The following ABCA7 variants were observed in gnomAD, a reference collection of about 807,000 sequenced individuals.
ABCA7 encodes the protein phospholipid-transporting ATPase ABCA7.
A neutral mutation model predicts 227.6 loss-of-function variants in ABCA7; 261 were observed. That is an observed-to-expected ratio of 1.15 (90% CI 1.04 to 1.27). The LOEUF is 1.27. ABCA7 is among the 50% of genes most tolerant of loss of function. The pLI is 0.00. For synonymous variants in ABCA7, 1,488 were observed against 1,279.7 expected (o/e 1.16, Z -3.47); for missense variants, 3,331 against 2,924.5 (o/e 1.14, Z -3.21).
At position 1,047,593 on chromosome 19, in the gene ABCA7, TCTG is replaced by T; in HGVS notation, c.2215_2217del (p.Leu739del). Reference sequence around the variant, plus strand: ...TCAGCCTGGCCCAGGTCTCTGGCCTTCTGCTGCTGGACGCGGCGCTCTACGGCC... The same window carrying T: ...TCAGCCTGGCCCAGGTCTCTGGCCTTCTGCTGGACGCGGCGCTCTACGGCC... On this transcript the variant is annotated inframe_deletion, in exon 16 of 47. Transcript: ENST00000263094. 2.5e-6 allele frequency: 4 copies of T among 1,603,624 alleles called. No homozygotes were observed. The highest frequency in any genetic ancestry group is 2.5e-6 in the Non-Finnish European group (3 of 1,179,336).
chr19:1,044,954 G>A, intron 11 of ABCA7, 48 bp from the exon 12 acceptor site: 2 of 1,597,708 alleles, frequency 1.3e-6, no homozygotes, highest in East Asian at 2.2e-5. Context: ...GAGTGGTCTA[G>A]GAGGCAGGCG....
At position 1,046,675 on chromosome 19, in the gene ABCA7, C is replaced by G; in HGVS notation, c.1623-127C>G. 3.4e-6 allele frequency: 4 copies of G among 1,182,502 alleles called. No homozygotes were observed. The South Asian group carries it at 4.4e-5, about 13-fold the overall frequency. The allele number at this position is 1,182,502 out of a possible 1,614,324, so 73.3% of individuals were successfully genotyped here. On this transcript the variant is annotated intron_variant, in intron 13 of 46. Transcript: ENST00000263094. ...AGCCAAAGGCTGGCTGGATCAGGTT[C>G]CAAGGAACAGGGAGGCAAATCTTCC...
chr19:1,062,231 C>A lies in ABCA7; in HGVS notation c.5630C>A (p.Ala1877Asp). The part of the protein sequence containing the change: ...LSMGYCPQSD[A>D]IFELLTGREH... The stretch of plus-strand genomic sequence containing the variant: ...ATGGGATACTGCCCTCAATCCGATG[C>A]CATCTTTGAGCTGCTGACGGGCCGC... Residue 1877 changes from alanine to aspartate, a missense_variant, in exon 42 of 47, where the codon GCC (alanine) becomes GAC (aspartate). Ala to Asp is a moderately radical substitution (Grantham distance 126, BLOSUM62 -2). Transcript: ENST00000263094. 2.5e-6 allele frequency: 4 copies of A among 1,612,372 alleles called. No homozygotes were observed. Among genetic ancestry groups the A allele is most frequent in the Non-Finnish European group, 3.4e-6 (4 of 1,179,816 alleles).
chr19:1,042,725 C>T lies in ABCA7; in HGVS notation c.499-21C>T, dbSNP rs766737725. The T allele has an allele frequency of 5.0e-6, 8 of 1,611,878 alleles. No homozygotes were observed. In the East Asian group the frequency reaches 1.8e-4, roughly 36 times the overall value. On this transcript the variant is annotated intron_variant, in intron 6 of 46. Transcript: ENST00000263094. The stretch of plus-strand genomic sequence containing the variant: ...AGTGAGTGTTCAAAATCATTGTCCC[C>T]CTTGTGGTCTTTCTCCCCAGGAATC...
intron 45 of ABCA7, 143 bp from the exon 46 acceptor site, chr19:1,064,788 G>A (rs1434150731): frequency 2.3e-6 from 3 of 1,331,642 alleles, no homozygotes; most frequent in African/African-American, 1.5e-5. Context: ...GGGGGGTGGC[G>A]GGGGACTGAG....
intron 5 of ABCA7, 32 bp from the exon 6 acceptor site, chr19:1,042,283 C>A (rs1473064083): frequency 1.3e-6 from 2 of 1,577,036 alleles, no homozygotes; most frequent in African/African-American, 1.3e-5. Context: ...AACGTCCCCC[C>A]AGCCCCATGC....
chr19:1,042,984 C>G (rs1382539598), intron 7 of ABCA7, 57 bp from the exon 8 acceptor site: 1 of 1,548,608 alleles, frequency 6.5e-7, no homozygotes, highest in African/African-American at 1.4e-5. Context: ...GTGCCCTGCC[C>G]TGGTTAGGGC....
rs2041061490 is a variant in ABCA7 at position 1,048,918 on chromosome 19, T to C, written c.2293T>C (p.Trp765Arg). The change falls in exon 17 of 47, where the codon TGG (tryptophan) becomes CGG (arginine). Residue 765 changes from tryptophan to arginine, a missense_variant. By Grantham distance (101) the Trp-to-Arg change is moderately radical (BLOSUM62 -3). Coordinates refer to ENST00000263094, the MANE Select transcript of ABCA7 (RefSeq NM_019112.4). ...AGGCCAGTACGGGATCCCTGAACCA[T>C]GGAATTTTCCTTTTCGGAGGAGCTA... ...CPGQYGIPEP[W>R]NFPFRRSYWC... 2 of 1,608,582 alleles carry C rather than the reference T, an allele frequency of 1.2e-6. No homozygotes were observed. The highest frequency in any genetic ancestry group is 1.7e-6 in the Non-Finnish European group (2 of 1,178,048).
Position 1,046,369 on chromosome 19 carries a change from C to T in ABCA7, c.1585C>T (p.Leu529=), listed in dbSNP as rs2040661465. ...SGANPRAGLY[L]QQMPYPCYVD... is the part of the protein sequence containing the mutation. ...CGCCAACCCCCGGGCCGGCCTCTACCTGCAGCAGATGCCCTATCCGTGCTA... is the reference window on the plus strand; with the variant it reads ...CGCCAACCCCCGGGCCGGCCTCTACTTGCAGCAGATGCCCTATCCGTGCTA... The change falls in exon 13 of 47, where the codon CTG becomes TTG. Residue 529 remains leucine (L), a synonymous_variant. Transcript: ENST00000263094. The T allele has an allele frequency of 1.3e-6, 2 of 1,591,270 alleles. No individual in the cohort carries two copies. The highest frequency in any genetic ancestry group is 4.5e-5 in the East Asian group (2 of 44,562).
Position 1,054,070 on chromosome 19 carries a change from G to C in ABCA7, c.3537G>C (p.Lys1179Asn), listed in dbSNP as rs973041584. Reference protein sequence around the residue: ...IAGLDVTLRLKMPPQETALEN... With the variant: ...IAGLDVTLRLNMPPQETALEN... ...GCCTAGACGTAACCCTACGGCTCAA[G>C]ATGCCGCCACAGGAGACAGCGCTGG... Residue 1179 changes from lysine to asparagine, a missense_variant, in exon 26 of 47, where the codon AAG becomes AAC. Lys to Asn is a moderately conservative substitution (Grantham distance 94). Coordinates refer to ENST00000263094, the MANE Select transcript of ABCA7 (RefSeq NM_019112.4). This position sits in a 1 kb window ranked among gnomAD's most constrained non-coding sequence, Gnocchi z 4.8. 29 of 1,613,214 alleles carry C rather than the reference G, an allele frequency of 1.8e-5. No individual in the cohort carries two copies. Among genetic ancestry groups the C allele is most frequent in the Non-Finnish European group, 2.5e-5 (29 of 1,179,986 alleles).
Position 1,053,796 on chromosome 19 carries a change from G to A in ABCA7, c.3432G>A (p.Leu1144=). ...CCTGCTTGTCTCCCCAGATCTTCCT[G>A]AAGGTGGTGGAGGAGTGTGCTGCGG... ...ISDTSLEEIF[L]KVVEECAADT... The change falls in exon 25 of 47, where the codon CTG becomes CTA. Residue 1144 remains leucine, a synonymous_variant. Transcript: ENST00000263094. 3 of 1,612,198 alleles carry A rather than the reference G, an allele frequency of 1.9e-6. No homozygotes were observed. Among genetic ancestry groups the A allele is most frequent in the South Asian group, 2.2e-5 (2 of 90,930 alleles).
intron 13 of ABCA7, 110 bp downstream of exon 13, chr19:1,046,516 GCACCTTTA>G (rs1361892248): frequency 7.0e-7 from 1 of 1,423,262 alleles, no homozygotes; most frequent in Non-Finnish European, 9.4e-7. Context: ...TGCGAACTTT[GCACCTTTA>G]CACCACTCCA....
rs768050490 is a variant in ABCA7 at position 1,048,934 on chromosome 19, G to C, written c.2309G>C (p.Arg770Pro). The C allele has an allele frequency of 1.2e-6, 2 of 1,608,976 alleles. No individual in the cohort carries two copies. The highest frequency in any genetic ancestry group is 1.7e-6 in the Non-Finnish European group (2 of 1,178,176). ...GIPEPWNFPF[R>P]RSYWCGPRPP... is the part of the protein sequence containing the mutation. ...CCTGAACCATGGAATTTTCCTTTTC[G>C]GAGGAGCTACTGGTGCGGACCTCGG... The change falls in exon 17 of 47, where the codon CGG becomes CCG. Residue 770 changes from arginine (R) to proline (P), a missense_variant. Coordinates refer to ENST00000263094, the MANE Select transcript of ABCA7 (RefSeq NM_019112.4).
chr19:1,043,240 A>G lies in ABCA7; in HGVS notation c.779A>G (p.Asp260Gly), dbSNP rs756554074. Residue 260 changes from aspartate (D) to glycine (G), a missense_variant, in exon 8 of 47, where the codon GAC becomes GGC. By Grantham distance (94) the Asp-to-Gly change is moderately conservative. Coordinates refer to ENST00000263094, the MANE Select transcript of ABCA7 (RefSeq NM_019112.4). Reference protein sequence around the residue: ...VGQEPESALPDSSLSPACSEL... With the variant: ...VGQEPESALPGSSLSPACSEL... The stretch of plus-strand genomic sequence containing the variant: ...CAGGAGCCAGAATCCGCCCTGCCAG[A>G]CAGCAGCCTGAGTGAGTGACTGACC... 5 of 1,607,520 alleles carry G rather than the reference A, an allele frequency of 3.1e-6. 1 individual carries two copies. In the South Asian group the frequency reaches 4.4e-5, roughly 14 times the overall value.
chr19:1,048,959 G>A lies in ABCA7; in HGVS notation c.2334G>A (p.Arg778=). ...GGAGGAGCTACTGGTGCGGACCTCG[G>A]CCCCCCAAGAGTCCAGCCCCTTGCC... is the stretch of plus-strand genomic sequence containing the variant. ...PFRRSYWCGP[R]PPKSPAPCPT... The change falls in exon 17 of 47, where the codon CGG becomes CGA. Residue 778 remains arginine (R), a synonymous_variant. Coordinates refer to ENST00000263094, the MANE Select transcript of ABCA7 (RefSeq NM_019112.4). 1 of 1,608,888 alleles carries A rather than the reference G, an allele frequency of 6.2e-7. No individual in the cohort carries two copies. Among genetic ancestry groups the A allele is most frequent in the African/African-American group, 1.3e-5 (1 of 74,848 alleles).
chr19:1,042,301 C>G lies in ABCA7; in HGVS notation c.416-14C>G, dbSNP rs1050335246. 3 of 1,574,172 alleles carry G rather than the reference C, an allele frequency of 1.9e-6. No homozygotes were observed. In the South Asian group the frequency reaches 3.5e-5, roughly 18 times the overall value. ...GTCCCCCCAGCCCCATGCTCCCGTGCGCTCCTCCCCCAGCCCAGCCTCAAC... is the reference window on the plus strand; with the variant it reads ...GTCCCCCCAGCCCCATGCTCCCGTGGGCTCCTCCCCCAGCCCAGCCTCAAC... On this transcript the variant is annotated splice_polypyrimidine_tract_variant and intron_variant, in intron 5 of 46. Coordinates refer to ENST00000263094, the MANE Select transcript of ABCA7 (RefSeq NM_019112.4).
chr19:1,054,157 C>A lies in ABCA7; in HGVS notation c.3578-36C>A, dbSNP rs754069496. The A allele has an allele frequency of 2.3e-5, 37 of 1,612,114 alleles. No homozygotes were observed. The Admixed American group carries it at 4.3e-4, about 19-fold the overall frequency. On this transcript the variant is annotated intron_variant, in intron 26 of 46. Transcript: ENST00000263094. This position sits in a 1 kb window ranked among gnomAD's most constrained non-coding sequence, Gnocchi z 4.8. Reference sequence around the variant, plus strand: ...TGGGGTCCTCCCAGCCACCCCCCCACAGCAGCGTGAGCACTGACCCTCTCA... The same window carrying A: ...TGGGGTCCTCCCAGCCACCCCCCCAAAGCAGCGTGAGCACTGACCCTCTCA...
intron 16 of ABCA7, among the ~76,000 whole-genome samples, chr19:1,048,513 A>AAAAAAAAAAAAAAAAAC (rs2040972294): frequency 2.1e-5 from 3 of 141,488 alleles, no homozygotes; most frequent in African/African-American, 5.3e-5. Context: ...AAAAAAACAA[A>AAAAAAAAAAAAAAAAAC]AAAAAAAAAA....
chr19:1,049,227 C>A (rs2041109692), intron 17 of ABCA7, 39 bp from the exon 18 acceptor site: 1 of 1,560,678 alleles, frequency 6.4e-7, no homozygotes, highest in East Asian at 2.3e-5. Flanking sequence ...CCCCAGGACC[C>A]CCATGACCTC....
Sources: gnomAD v4.1 joint callset for allele counts (sites outside exome capture counted in the v4.1 genomes callset) on GRCh38, gnomAD v4.1.1 for gene constraint, Gnocchi (gnomAD v3.1) non-coding constraint, MANE v1.5 for transcripts, NCBI Gene and HGNC (gene_info 2026-07-23, HGNC 2026-07-21) for gene names.